The following LRRC1 variants were observed in gnomAD, a reference collection of about 807,000 sequenced individuals.
The protein encoded by LRRC1 is leucine rich repeat containing 1.
A neutral mutation model predicts 69.9 loss-of-function variants in LRRC1; 28 were observed. The observed-to-expected ratio is 0.40, with a 90% CI of 0.30 to 0.55. The LOEUF (loss-of-function observed/expected upper bound fraction) is 0.55, where lower values mean the gene tolerates loss of function less well. Ranked by LOEUF, LRRC1 falls within the 20% of genes least tolerant of loss-of-function variation. LRRC1 has a pLI of 0.47. For missense variants in LRRC1, 498 were observed against 609.0 expected, an observed-to-expected ratio of 0.82 and a Z score of 1.92; for synonymous variants, 236 against 240.2, an observed-to-expected ratio of 0.98 and a Z score of 0.16.
At chr6:53,903,372 G>A (rs534805296) in intron 9 of LRRC1, among the ~76,000 whole-genome samples, 10 of 152,010 alleles carry the variant, frequency 6.6e-5, no homozygotes, top group African/African-American at 2.4e-4. Flanking sequence ...GGGTGGGCAG[G>A]GTGGCAGCAG....
intron 1 of LRRC1, among the ~76,000 whole-genome samples, chr6:53,810,077 G>A (rs567753945): frequency 6.6e-6 from 1 of 152,290 alleles, no homozygotes; most frequent in East Asian, 1.9e-4. Flanking sequence ...AAGAATAGTT[G>A]GAAAAAGAGG....
chr6:53,835,651 C>A (rs957551880), intron 1 of LRRC1, among the ~76,000 whole-genome samples: 1 of 152,174 alleles, frequency 6.6e-6, no homozygotes, highest in Non-Finnish European at 1.5e-5. Context: ...GTGACTATTT[C>A]TTGGCCTTTT....
chr6:53,809,097 G>C (rs1764717436), intron 1 of LRRC1, among the ~76,000 whole-genome samples: 1 of 152,128 alleles, frequency 6.6e-6, no homozygotes, highest in African/African-American at 2.4e-5. Flanking sequence ...ATGAGCATTT[G>C]TTTTCTCATA....
chr6:53,796,549 C>G (rs1764308132), intron 1 of LRRC1, among the ~76,000 whole-genome samples: 1 of 152,180 alleles, frequency 6.6e-6, no homozygotes, highest in Admixed American at 6.5e-5. Flanking sequence ...GTCAAGTGTT[C>G]TGACTTGTTA....
chr6:53,881,660 G>A (rs1175308621), intron 3 of LRRC1, among the ~76,000 whole-genome samples: 1 of 152,038 alleles, frequency 6.6e-6, no homozygotes, highest in African/African-American at 2.4e-5. Flanking sequence ...ATGTTATGTA[G>A]GCCTTTTTTA....
intron 4 of LRRC1, among the ~76,000 whole-genome samples, chr6:53,895,887 G>A (rs939487084): frequency 1.1e-4 from 16 of 152,172 alleles, no homozygotes; most frequent in Non-Finnish European, 1.5e-4. Flanking sequence ...AAATCAGTCC[G>A]TGTTCCAGGC....
intron 13 of LRRC1, 84 bp from the exon 14 acceptor site, chr6:53,922,549 ATT>A: frequency 8.2e-7 from 1 of 1,217,750 alleles, no homozygotes; most frequent in Admixed American, 2.2e-5. Flanking sequence ...TAACATTTGT[ATT>A]GGAATGCTAA....
At chr6:53,845,836 A>C (rs1023372932) in intron 2 of LRRC1, among the ~76,000 whole-genome samples, 3 of 152,170 alleles carry the variant, frequency 2.0e-5, no homozygotes, top group African/African-American at 7.2e-5. Flanking sequence ...CAGCCACACC[A>C]AGGAGAAGGA....
intron 1 of LRRC1, among the ~76,000 whole-genome samples, chr6:53,807,179 C>T (rs1764656691): frequency 6.6e-6 from 1 of 152,144 alleles, no homozygotes; most frequent in Non-Finnish European, 1.5e-5. Context: ...GAATAGCTGG[C>T]TTCTCTGATG....
chr6:53,919,428 A>G, intron 11 of LRRC1, 70 bp from the exon 12 acceptor site: 2 of 1,223,946 alleles, frequency 1.6e-6, no homozygotes, highest in Non-Finnish European at 2.2e-6. Context: ...CATTTTGTTG[A>G]TAGGGATTGA....
At position 53,923,878 on chromosome 6, in the gene LRRC1, C is replaced by G. The variant is rs1160607365; in HGVS notation, c.*1085C>G. 6.5e-6 allele frequency: 1 copy of G among 152,698 alleles called. No individual in the cohort carries two copies. The highest frequency in any genetic ancestry group is 1.9e-4 in the East Asian group (1 of 5,188). The allele number at this position is 152,698 out of a possible 1,614,324, so 9.5% of individuals were successfully genotyped here. A position where few individuals can be genotyped will look rare whatever the true frequency, so the allele number is the denominator to read the frequency against. On this transcript the variant is annotated 3_prime_UTR_variant, in exon 14 of 14. Transcript: ENST00000370888. The stretch of plus-strand genomic sequence containing the variant: ...ACTATCAAAATAGAAATGTTGCTAT[C>G]TTTATAAGTGCAATTTAATTTGTAA...
chr6:53,822,280 T>G lies in LRRC1; in HGVS notation c.160-19830T>G, dbSNP rs550481458. ...CCAAGGAACATGGTTTATACTTGCT[T>G]CTTTAGTGTTTAAACAGATGGGCAA... On this transcript the variant is annotated intron_variant, in intron 1 of 13. Transcript: ENST00000370888. 3.9e-4 allele frequency among the ~76,000 whole-genome samples: 59 copies of G among 152,298 alleles called. 2 individuals carry two copies. In the South Asian group the frequency reaches 0.012, roughly 30 times the overall value.
intron 2 of LRRC1, among the ~76,000 whole-genome samples, chr6:53,861,021 G>A (rs562144817): frequency 2.4e-3 from 356 of 149,912 alleles, no homozygotes; most frequent in African/African-American, 8.3e-3. Context: ...AGACACTGGG[G>A]CCGCTTTTAG....
chr6:53,876,912 C>T (rs1581893046), intron 2 of LRRC1, among the ~76,000 whole-genome samples: 1 of 152,152 alleles, frequency 6.6e-6, no homozygotes, highest in Non-Finnish European at 1.5e-5. Flanking sequence ...GAATAACGGC[C>T]CTCTTCTCGC....
At chr6:53,882,827 G>C (rs536302082) in intron 3 of LRRC1, 60 bp from the exon 4 acceptor site, 1 of 959,342 alleles carries the variant, frequency 1.0e-6, no homozygotes, top group Non-Finnish European at 1.6e-6. Flanking sequence ...TTTATGCTTG[G>C]TATACACTAT....
chr6:53,841,280 A>G (rs1239854750), intron 1 of LRRC1, among the ~76,000 whole-genome samples: 2 of 152,206 alleles, frequency 1.3e-5, no homozygotes, highest in African/African-American at 4.8e-5. Context: ...TGTTCATTAT[A>G]TAAATTTTCA....
rs869246243 is a variant in LRRC1 at position 53,900,020 on chromosome 6, G to GTTT, written c.787+160_787+162dup. On this transcript the variant is annotated intron_variant, in intron 8 of 13. Transcript: ENST00000370888. ...TGTGGCTCCTTAAAGTCTCCTTACTGTTTTTTTTTTTTTTTTTTTTTTTTT... is the reference window on the plus strand; with the variant it reads ...TGTGGCTCCTTAAAGTCTCCTTACTGTTTTTTTTTTTTTTTTTTTTTTTTTTTT... 7.7e-4 allele frequency: 146 copies of GTTT among 190,418 alleles called. 2 individuals are homozygous for GTTT. Among genetic ancestry groups the GTTT allele is most frequent in the South Asian group, 9.3e-4 (14 of 14,990 alleles). The allele number at this position is 190,418 out of a possible 1,614,324, so 11.8% of individuals were successfully genotyped here.
intron 2 of LRRC1, among the ~76,000 whole-genome samples, chr6:53,876,033 A>G (rs1581892486): frequency 6.6e-6 from 1 of 152,070 alleles, no homozygotes; most frequent in African/African-American, 2.4e-5. Context: ...GTATTAGTCC[A>G]TTTTCACACT....
intron 2 of LRRC1, among the ~76,000 whole-genome samples, chr6:53,870,946 A>G (rs1389055341): frequency 2.0e-5 from 3 of 152,156 alleles, no homozygotes; most frequent in South Asian, 2.1e-4. Flanking sequence ...AGGCTCATCT[A>G]TGTTGTCTCA....
Sources: gnomAD v4.1 joint callset for allele counts (sites outside exome capture counted in the v4.1 genomes callset) on GRCh38, gnomAD v4.1.1 for gene constraint, MANE v1.5 for transcripts, NCBI Gene and HGNC (gene_info 2026-07-23, HGNC 2026-07-21) for gene names.